LINGO2: variants seen among roughly 807,000 people sequenced by gnomAD.
The protein encoded by LINGO2 is leucine-rich repeat and immunoglobulin-like domain-containing nogo receptor-interacting protein 2.
A neutral mutation model predicts 30.6 loss-of-function variants in LINGO2; 14 were observed. That is an observed-to-expected ratio of 0.46 (90% CI 0.30 to 0.72). The LOEUF is 0.72. LINGO2 is among the 30% of genes least tolerant of loss of function. The pLI is 0.07. For missense variants in LINGO2, 729 were observed against 751.7 expected (o/e 0.97, Z 0.35); for synonymous variants, 317 against 288.5 (o/e 1.10, Z -1.00).
intron 1 of LINGO2, among the ~76,000 whole-genome samples, chr9:28,519,266 G>A (rs1820740899): frequency 6.6e-6 from 1 of 151,874 alleles, no homozygotes; most frequent in Admixed American, 6.6e-5. Context: ...AAACTCCTGG[G>A]CTCAAGTGAT....
At chr9:28,047,605 T>C (rs1347373175) in intron 4 of LINGO2, among the ~76,000 whole-genome samples, 1 of 150,798 alleles carries the variant, frequency 6.6e-6, no homozygotes, top group Non-Finnish European at 1.5e-5. Flanking sequence ...ACATGATCAA[T>C]CTACACCTCA....
At chr9:28,355,490 A>G (rs539933411) in intron 3 of LINGO2, among the ~76,000 whole-genome samples, 2 of 150,934 alleles carry the variant, frequency 1.3e-5, no homozygotes, top group East Asian at 2.0e-4. Flanking sequence ...TCTGTAACTA[A>G]ATGTGTTAGA....
intron 1 of LINGO2, among the ~76,000 whole-genome samples, chr9:28,617,327 G>C (rs901452583): frequency 6.8e-6 from 1 of 146,118 alleles, no homozygotes; most frequent in Non-Finnish European, 1.5e-5. Context: ...ACAGAGTCTC[G>C]CTCTGTCGCC....
the LINGO2 span, among the ~76,000 whole-genome samples, chr9:28,950,311 A>T: frequency 1.3e-5 from 2 of 152,218 alleles, no homozygotes; most frequent in South Asian, 4.1e-4. Flanking sequence ...AAAAATTGGA[A>T]GCATTCCCTT....
chr9:28,149,273 A>T (rs1827912642), intron 4 of LINGO2: 7 of 631,214 alleles, frequency 1.1e-5, no homozygotes, highest in Non-Finnish European at 1.6e-5. Context: ...GCGGATCAGG[A>T]GGTCAAGAGA....
chr9:28,747,762 A>G, the LINGO2 span, among the ~76,000 whole-genome samples: 1 of 142,848 alleles, frequency 7.0e-6, no homozygotes, highest in African/African-American at 2.6e-5. Flanking sequence ...TCCCTATAAA[A>G]CATACTGGCT....
At chr9:29,020,682 G>A in the LINGO2 span, among the ~76,000 whole-genome samples, 1,028 of 152,220 alleles carry the variant, frequency 6.8e-3, 15 homozygotes, top group African/African-American at 0.023. Flanking sequence ...GGTCATGGAC[G>A]ACTGCATAGA....
intron 4 of LINGO2, among the ~76,000 whole-genome samples, chr9:28,105,243 G>A (rs1045363081): frequency 3.3e-5 from 5 of 152,144 alleles, no homozygotes; most frequent in African/African-American, 4.8e-5. Context: ...GAGAAGTCAC[G>A]TTATTAGGAA....
At chr9:28,883,632 A>ATG in the LINGO2 span, among the ~76,000 whole-genome samples, 1 of 18,420 alleles carries the variant, frequency 5.4e-5, no homozygotes, top group Non-Finnish European at 1.3e-4. Context: ...GTGTGTGTAT[A>ATG]TATATATATA....
At chr9:28,844,755 T>C in the LINGO2 span, among the ~76,000 whole-genome samples, 2 of 151,826 alleles carry the variant, frequency 1.3e-5, no homozygotes, top group African/African-American at 2.4e-5. Context: ...ATTGGTATTA[T>C]TGATTTAATA....
the LINGO2 span, among the ~76,000 whole-genome samples, chr9:28,799,086 C>T: frequency 6.6e-6 from 1 of 151,900 alleles, no homozygotes; most frequent in Non-Finnish European, 1.5e-5. Context: ...TTATGGAGAA[C>T]AAAGTAATTG....
chr9:28,638,767 C>A (rs544347423), intron 1 of LINGO2, among the ~76,000 whole-genome samples: 1 of 152,178 alleles, frequency 6.6e-6, no homozygotes, highest in South Asian at 2.1e-4. Flanking sequence ...TTTCAAAAAA[C>A]CAGCTCCTGG....
the LINGO2 span, among the ~76,000 whole-genome samples, chr9:29,050,562 A>C: frequency 6.6e-6 from 1 of 152,332 alleles, no homozygotes; most frequent in East Asian, 1.9e-4. Context: ...GATCCAAAAG[A>C]AGCATGTATG....
intron 3 of LINGO2, among the ~76,000 whole-genome samples, chr9:28,310,910 A>C (rs1824589828): frequency 6.6e-6 from 1 of 152,232 alleles, no homozygotes; most frequent in Non-Finnish European, 1.5e-5. Flanking sequence ...TTTTAAGAAG[A>C]AATTTTAATG....
chr9:27,958,723 G>GT (rs1819697466), intron 5 of LINGO2, among the ~76,000 whole-genome samples: 1 of 152,098 alleles, frequency 6.6e-6, no homozygotes, highest in Non-Finnish European at 1.5e-5. Context: ...AGTATCTGCA[G>GT]TTTCAGGCAT....
At chr9:29,194,140 T>G in the LINGO2 span, among the ~76,000 whole-genome samples, 1 of 152,174 alleles carries the variant, frequency 6.6e-6, no homozygotes, top group Non-Finnish European at 1.5e-5. Context: ...GAACAAGGTC[T>G]TGCTTACGCA....
At chr9:28,621,705 T>C (rs540047770) in intron 1 of LINGO2, among the ~76,000 whole-genome samples, 7 of 152,212 alleles carry the variant, frequency 4.6e-5, no homozygotes, top group Non-Finnish European at 1.0e-4. Flanking sequence ...GAAGATACTA[T>C]GTATTCTGTT....
At chr9:28,162,686 A>G (rs559321007) in intron 4 of LINGO2, among the ~76,000 whole-genome samples, 1 of 152,276 alleles carries the variant, frequency 6.6e-6, no homozygotes, top group South Asian at 2.1e-4. Context: ...AATTATTTGT[A>G]TATCCTTGTG....
rs3064858 is a variant in LINGO2 at position 28,384,329 on chromosome 9, C to CTATATATATA, written c.-278-11471_-278-11462dup. ...ACTCCCTTCTTTTCCATGTTATGCA[C>CTATATATATA]TATATATATATATATATATATGCCT... is the stretch of plus-strand genomic sequence containing the variant. On this transcript the variant is annotated intron_variant, in intron 2 of 5. Coordinates refer to ENST00000379992, the Ensembl canonical transcript of LINGO2. 3.4e-3 allele frequency among the ~76,000 whole-genome samples: 419 copies of CTATATATATA among 123,346 alleles called. 1 individual carries two copies. Among genetic ancestry groups the CTATATATATA allele is most frequent in the Admixed American group, 7.8e-3 (94 of 12,082 alleles). The allele number at this position is 123,346 out of a possible 152,430, so 80.9% of individuals were successfully genotyped here.
Sources: allele counts gnomAD v4.1 joint callset (sites outside exome capture counted in the v4.1 genomes callset), GRCh38; gene constraint gnomAD v4.1.1; transcripts MANE v1.5; gene names NCBI Gene and HGNC (gene_info 2026-07-23, HGNC 2026-07-21).